The following ALKBH4 variants were observed in gnomAD, a reference collection of about 807,000 sequenced individuals.
The protein encoded by ALKBH4 is alkB homolog 4, lysine demethylase.
In ALKBH4, 8 loss-of-function variants were observed where a neutral mutation model predicts 12.1. That is an observed-to-expected ratio of 0.66 (90% CI 0.39 to 1.19). The LOEUF is 1.19. Ranked by LOEUF, ALKBH4 falls within the 50% of genes most tolerant of loss-of-function variation. ALKBH4 has a pLI of 0.01. For synonymous variants in ALKBH4, 195 were observed against 191.6 expected (o/e 1.02, Z -0.15); for missense variants, 403 against 430.4 (o/e 0.94, Z 0.56).
chr7:102,464,174 C>G (rs529444661), intron 1 of ALKBH4, among the ~76,000 whole-genome samples: 2 of 152,282 alleles, frequency 1.3e-5, no homozygotes, highest in African/African-American at 4.8e-5. Flanking sequence ...CCCAAAGGCG[C>G]TGAGTTCTTT....
At chr7:102,463,501 T>G (rs1242858020) in intron 1 of ALKBH4, among the ~76,000 whole-genome samples, 1 of 151,796 alleles carries the variant, frequency 6.6e-6, no homozygotes, top group Non-Finnish European at 1.5e-5. Context: ...GGCAAGTTTT[T>G]GTAATTTTAG....
At chr7:102,463,968 G>C (rs1434057890) in intron 1 of ALKBH4, among the ~76,000 whole-genome samples, 1 of 152,016 alleles carries the variant, frequency 6.6e-6, no homozygotes, top group African/African-American at 2.4e-5. Context: ...CCCTTCAAGA[G>C]CTCTCCAGGG....
At chr7:102,463,527 G>T (rs180673529) in intron 1 of ALKBH4, among the ~76,000 whole-genome samples, 1 of 150,332 alleles carries the variant, frequency 6.7e-6, no homozygotes, top group African/African-American at 2.4e-5. Context: ...GCAGGGTTTC[G>T]CCATGTTAGC....
At chr7:102,461,125 T>C (rs1797784016) in intron 1 of ALKBH4, among the ~76,000 whole-genome samples, 1 of 151,922 alleles carries the variant, frequency 6.6e-6, no homozygotes, top group Admixed American at 6.6e-5. Context: ...TCACCTGGGG[T>C]CAGGAGTTCA....
chr7:102,459,549 A>T (rs1336534154), intron 2 of ALKBH4, 55 bp downstream of exon 2: 1 of 1,543,338 alleles, frequency 6.5e-7, no homozygotes. Context: ...CCCCAGCAGT[A>T]GGGCTGTCTC....
Position 102,457,316 on chromosome 7 carries a change from C to A in ALKBH4, c.*78G>T. The stretch of plus-strand genomic sequence containing the variant: ...GGTCAGCCATCTTCTCTTGAAACCC[C>A]GTGAGTTGCAGGAGGCCCTGTTCTG... On this transcript the variant is annotated 3_prime_UTR_variant, in exon 3 of 3. Coordinates refer to ENST00000292566, the MANE Select transcript of ALKBH4 (RefSeq NM_017621.4). This position sits in a 1 kb window ranked among gnomAD's most constrained non-coding sequence, Gnocchi z 5.9. The A allele has an allele frequency of 6.8e-7, 1 of 1,475,624 alleles. No homozygotes were observed. Among genetic ancestry groups the A allele is most frequent in the Non-Finnish European group, 9.3e-7 (1 of 1,080,428 alleles). The allele number at this position is 1,475,624 out of a possible 1,614,324, so 91.4% of individuals were successfully genotyped here.
rs1263904371 is a variant in ALKBH4, at chr7:102,464,803, G to A, written c.34C>T (p.Leu12Phe). The A allele has an allele frequency of 1.9e-6, 3 of 1,555,460 alleles. No homozygotes were observed. Among genetic ancestry groups the A allele is most frequent in the Admixed American group, 2.0e-5 (1 of 50,572 alleles). Residue 12 changes from leucine to phenylalanine, a missense_variant, in exon 1 of 3, where the codon CTT becomes TTT. Leu to Phe is a conservative substitution (Grantham distance 22). Coordinates refer to ENST00000292566, the MANE Select transcript of ALKBH4 (RefSeq NM_017621.4). ...AAAAAETPEV[L>F]RECGCKGIRT... ...ATGCCCTTGCAACCGCATTCCCGAA[G>A]GACTTCGGGGGTCTCGGCGGCAGCC...
At chr7:102,459,245 G>A (rs919197067) in intron 2 of ALKBH4, among the ~76,000 whole-genome samples, 1 of 152,044 alleles carries the variant, frequency 6.6e-6, no homozygotes, top group Non-Finnish European at 1.5e-5. Context: ...GCGGGCCCGG[G>A]GAGGGGGAAG....
intron 1 of ALKBH4, among the ~76,000 whole-genome samples, chr7:102,462,892 G>A (rs779225406): frequency 5.3e-5 from 8 of 151,266 alleles, no homozygotes; most frequent in Non-Finnish European, 8.8e-5. Flanking sequence ...TTCTGTGACT[G>A]CTTCCTTAAC....
chr7:102,459,712 T>C lies in ALKBH4; in HGVS notation c.213A>G (p.Pro71=). 6.2e-7 allele frequency: 1 copy of C among 1,614,118 alleles called. No individual in the cohort carries two copies. The highest frequency in any genetic ancestry group is 8.5e-7 in the Non-Finnish European group (1 of 1,180,016). ...SDFEGWAFPF[P]GVMLIEDFVT... ...CAAAGTCCTCGATCAGCATCACTCC[T>C]GGGAAGGGGAAGGCCCAGCCCTCAA... The change falls in exon 2 of 3, where the codon CCA becomes CCG. Residue 71 remains proline (P), a synonymous_variant. Transcript: ENST00000292566.
At position 102,459,820 on chromosome 7, in the gene ALKBH4, T is replaced by G. The variant is rs1348472083; in HGVS notation, c.124-19A>C. The G allele has an allele frequency of 6.4e-7, 1 of 1,573,430 alleles. No individual in the cohort carries two copies. The highest frequency in any genetic ancestry group is 8.6e-7 in the Non-Finnish European group (1 of 1,158,240). ...ATGTTTTCTGCAAAAGAAACACAAG[T>G]CCACAGGCTGGGCAACACAGCGAGA... On this transcript the variant is annotated intron_variant, in intron 1 of 2. Transcript: ENST00000292566.
At chr7:102,460,292 T>G (rs1293739497) in intron 1 of ALKBH4, among the ~76,000 whole-genome samples, 9 of 141,824 alleles carry the variant, frequency 6.3e-5, no homozygotes, top group African/African-American at 2.4e-4. Flanking sequence ...GCTACTGCAC[T>G]CCAGCCTGGA....
intron 1 of ALKBH4, among the ~76,000 whole-genome samples, chr7:102,460,471 G>T (rs2133253598): frequency 6.6e-6 from 1 of 152,314 alleles, no homozygotes; most frequent in African/African-American, 2.4e-5. Context: ...AGGGGGAGGT[G>T]CAGGCAGAGC....
At chr7:102,460,641 C>A (rs959159962) in intron 1 of ALKBH4, among the ~76,000 whole-genome samples, 20 of 152,228 alleles carry the variant, frequency 1.3e-4, no homozygotes, top group African/African-American at 4.8e-4. Context: ...AGTTAAGGAA[C>A]CAGCCCGAGG....
At chr7:102,459,520 C>T in intron 2 of ALKBH4, 84 bp downstream of exon 2, 6 of 1,490,266 alleles carry the variant, frequency 4.0e-6, no homozygotes, top group Non-Finnish European at 5.4e-6. Flanking sequence ...AGGGGTGTGG[C>T]TGCAAGGAGG....
rs1016057452 is a variant in ALKBH4 at position 102,459,494 on chromosome 7, C to T, written c.321+110G>A. 5.8e-6 allele frequency: 8 copies of T among 1,381,490 alleles called. No individual in the cohort carries two copies. In the African/African-American group the frequency reaches 8.7e-5, roughly 15 times the overall value. 85.6% of individuals were successfully genotyped at this position (1,381,490 alleles called of 1,614,324 possible). A position where few individuals can be genotyped will look rare whatever the true frequency, so the allele number is the denominator to read the frequency against. On this transcript the variant is annotated intron_variant, in intron 2 of 2. Coordinates refer to ENST00000292566, the MANE Select transcript of ALKBH4 (RefSeq NM_017621.4). Reference sequence around the variant, plus strand: ...AAGGTCTGGGGAACTCGCCCACTACCAACCCTGGAGGTTTGAGGGGTGTGG... The same window carrying T: ...AAGGTCTGGGGAACTCGCCCACTACTAACCCTGGAGGTTTGAGGGGTGTGG...
At chr7:102,464,677 C>A in intron 1 of ALKBH4, 37 bp downstream of exon 1, 1 of 1,490,404 alleles carries the variant, frequency 6.7e-7, no homozygotes, top group Non-Finnish European at 8.9e-7. Flanking sequence ...AGATGCAGAG[C>A]GACGTTTGTG....
In ALKBH4 at chr7:102,457,762, C is replaced by T. The variant is rs1350070559; in HGVS notation, c.541G>A (p.Val181Ile). 1 of 1,589,986 alleles carries T rather than the reference C, an allele frequency of 6.3e-7. No homozygotes were observed. Among genetic ancestry groups the T allele is most frequent in the Non-Finnish European group, 8.5e-7 (1 of 1,170,436 alleles). The change falls in exon 3 of 3, where the codon GTC becomes ATC. Residue 181 changes from valine (V) to isoleucine (I), a missense_variant. Transcript: ENST00000292566. This position sits in a 1 kb window ranked among gnomAD's most constrained non-coding sequence, Gnocchi z 5.9. ...DDAWLWGERL[V>I]SLNLLSPTVL... ...GTGGGGGACAGGAGGTTGAGGCTGA[C>T]CAGCCGCTCCCCCCACAGCCAGGCG...
intron 1 of ALKBH4, among the ~76,000 whole-genome samples, chr7:102,460,481 C>G (rs545079925): frequency 6.6e-6 from 1 of 152,204 alleles, no homozygotes; most frequent in African/African-American, 2.4e-5. Flanking sequence ...GCAGGCAGAG[C>G]CTCTGCCCCA....
Sources: gnomAD v4.1 joint callset for allele counts (sites outside exome capture counted in the v4.1 genomes callset) on GRCh38, gnomAD v4.1.1 for gene constraint, Gnocchi (gnomAD v3.1) non-coding constraint, MANE v1.5 for transcripts, NCBI Gene and HGNC (gene_info 2026-07-23, HGNC 2026-07-21) for gene names.